The following TSLP variants were observed in gnomAD, a reference collection of about 807,000 sequenced individuals.
The protein encoded by TSLP is thymic stromal lymphopoietin.
In TSLP, 12 loss-of-function variants were observed where a neutral mutation model predicts 12.4. The ratio of observed to expected loss-of-function variants is 0.97; its 90% CI spans 0.62 to 1.57. The LOEUF is 1.57. Among genes scored for constraint, TSLP ranks in the 40% most tolerant of loss-of-function variants. The pLI is 0.00. For missense variants in TSLP, 222 were observed against 189.6 expected, an observed-to-expected ratio of 1.17 and a Z score of -1.00; for synonymous variants, 97 against 69.5, an observed-to-expected ratio of 1.40 and a Z score of -1.97.
rs1040386298 is a variant in TSLP, at chr5:111,076,931, T to G, written c.*857T>G. The G allele has an allele frequency of 6.6e-6, 1 of 152,230 alleles. No individual in the cohort carries two copies. The highest frequency in any genetic ancestry group is 2.4e-5 in the African/African-American group (1 of 41,462). The allele number at this position is 152,230 out of a possible 1,614,324, so 9.4% of individuals were successfully genotyped here. On this transcript the variant is annotated 3_prime_UTR_variant, in exon 4 of 4. Transcript: ENST00000344895. The stretch of plus-strand genomic sequence containing the variant: ...TGCTCCCCTTTATACCTGTTGGCCC[T>G]GCCTATAGGAGAGAATATTTGGAGA...
Position 111,076,197 on chromosome 5 carries a change from G to C in TSLP, c.*123G>C, listed in dbSNP as rs1459890346. 1.4e-5 allele frequency: 17 copies of C among 1,177,372 alleles called. No homozygotes were observed. The highest frequency in any genetic ancestry group is 2.1e-5 in the Non-Finnish European group (17 of 822,732). 72.9% of individuals were successfully genotyped at this position (1,177,372 alleles called of 1,614,324 possible). ...ATAGTTATCTTTTAATTACAGAAGA[G>C]TTTCTTAACTTACTTTTGTAAGTTT... On this transcript the variant is annotated 3_prime_UTR_variant, in exon 4 of 4. Coordinates refer to ENST00000344895, the MANE Select transcript of TSLP (RefSeq NM_033035.5).
At position 111,075,225 on chromosome 5, in the gene TSLP, T is replaced by C. The variant is rs147283744; in HGVS notation, c.352-721T>C. On this transcript the variant is annotated intron_variant, in intron 3 of 3. Transcript: ENST00000344895. ...TAATAATAATGATTTTGCAGGTTTT[T>C]TTAAGATTTGTGCTTAATAACCCTG... Among the ~76,000 whole-genome samples the C allele has an allele frequency of 3.9e-5, 6 of 152,310 alleles. No individual in the cohort carries two copies. In the East Asian group the frequency reaches 1.2e-3, roughly 29 times the overall value.
Position 111,072,940 on chromosome 5 carries a change from G to A in TSLP, c.216+8G>A. The A allele has an allele frequency of 6.2e-7, 1 of 1,614,214 alleles. No homozygotes were observed. The highest frequency in any genetic ancestry group is 8.5e-7 in the Non-Finnish European group (1 of 1,180,028). On this transcript the variant is annotated splice_region_variant and intron_variant, in intron 2 of 3. Transcript: ENST00000344895. ...GTCTCTTGTAGCAATCGGGTGAGTA[G>A]AGAGTTCAGTGCTGCTGGCTTTCTC...
chr5:111,072,607 G>A (rs1012124535), intron 1 of TSLP, among the ~76,000 whole-genome samples: 10 of 152,112 alleles, frequency 6.6e-5, no homozygotes, highest in African/African-American at 2.4e-4. Context: ...CCAAAGGATG[G>A]CATTATTACT....
rs1752342363 is a variant in TSLP at position 111,071,762 on chromosome 5, C to T, written c.-129C>T. The T allele has an allele frequency of 2.3e-6, 3 of 1,296,122 alleles. No individual in the cohort carries two copies. Among genetic ancestry groups the T allele is most frequent in the African/African-American group, 1.5e-5 (1 of 67,390 alleles). The allele number at this position is 1,296,122 out of a possible 1,614,324, so 80.3% of individuals were successfully genotyped here. On this transcript the variant is annotated 5_prime_UTR_variant, in exon 1 of 4. Transcript: ENST00000344895. ...AACAGCATGGGTGAATAAGGGCTTC[C>T]TGTGGACTGGCAATGAGAGGCAAAA...
intron 2 of TSLP, chr5:111,073,256 G>A: frequency 2.1e-6 from 3 of 1,402,774 alleles, no homozygotes; most frequent in Non-Finnish European, 2.8e-6. Context: ...TCCGCCCCCT[G>A]GAGACTTGGG....
In TSLP at chr5:111,076,008, G is replaced by C. The variant is rs1203338358; in HGVS notation, c.414G>C (p.Leu138=). 3 of 1,613,944 alleles carry C rather than the reference G, an allele frequency of 1.9e-6. No individual in the cohort carries two copies. The highest frequency in any genetic ancestry group is 2.5e-6 in the Non-Finnish European group (3 of 1,179,974). ...GGAAAGTCACAACCAATAAATGTCT[G>C]GAACAAGTGTCACAATTACAAGGAT... ...RKRKVTTNKC[L]EQVSQLQGLW... Residue 138 remains leucine (L), a synonymous_variant, in exon 4 of 4, where the codon CTG becomes CTC. Transcript: ENST00000344895.
At chr5:111,070,785 C>G (rs1231233221), upstream of TSLP, 2 of 152,282 alleles carry the variant, frequency 1.3e-5, no homozygotes, top group African/African-American at 4.8e-5. Flanking sequence ...TTCCAGTCTA[C>G]GCTGCGCGGG....
At chr5:111,073,928 T>C (rs913865221) in intron 3 of TSLP, among the ~76,000 whole-genome samples, 2 of 152,192 alleles carry the variant, frequency 1.3e-5, no homozygotes, top group African/African-American at 2.4e-5. Flanking sequence ...CAGAATGTTT[T>C]GATTGCTGGA....
At chr5:111,073,038 G>A in intron 2 of TSLP, 106 bp downstream of exon 2, 1 of 1,375,898 alleles carries the variant, frequency 7.3e-7, no homozygotes, top group Non-Finnish European at 1.0e-6. Context: ...CCTGGGCTCC[G>A]GGACGCCGCC....
chr5:111,076,263 C>A lies in TSLP; in HGVS notation c.*189C>A, dbSNP rs1385663327. The A allele has an allele frequency of 4.8e-6, 3 of 626,470 alleles. No individual in the cohort carries two copies. The highest frequency in any genetic ancestry group is 3.8e-5 in the African/African-American group (2 of 53,278). 38.8% of individuals were successfully genotyped at this position (626,470 alleles called of 1,614,324 possible). A position where few individuals can be genotyped will look rare whatever the true frequency, so the allele number is the denominator to read the frequency against. On this transcript the variant is annotated 3_prime_UTR_variant, in exon 4 of 4. Coordinates refer to ENST00000344895, the MANE Select transcript of TSLP (RefSeq NM_033035.5). ...ATAATGCAGGGGAAGTACTACTCCT[C>A]AAATGTTGAGGGAAGCTTCCATAAC... is the stretch of plus-strand genomic sequence containing the variant.
At chr5:111,072,198 A>G in intron 1 of TSLP, 137 bp downstream of exon 1, 1 of 740,084 alleles carries the variant, frequency 1.4e-6, no homozygotes, top group South Asian at 2.1e-5. Flanking sequence ...AAGGATTCTT[A>G]CAAGTGATAT....
At position 111,073,536 on chromosome 5, in the gene TSLP, G is replaced by A. The variant is rs776535406; in HGVS notation, c.242G>A (p.Ser81Asn). Reference protein sequence around the residue: ...NRPHCLTEIQSLTFNPTAGCA... With the variant: ...NRPHCLTEIQNLTFNPTAGCA... ...CCACATTGCCTTACTGAAATCCAGA[G>A]CCTAACCTTCAATCCCACCGCCGGC... The change falls in exon 3 of 4, where the codon AGC becomes AAC. Residue 81 changes from serine (S) to asparagine (N), a missense_variant. Transcript: ENST00000344895. 3.1e-6 allele frequency: 5 copies of A among 1,614,108 alleles called. No homozygotes were observed. Among genetic ancestry groups the A allele is most frequent in the Non-Finnish European group, 4.2e-6 (5 of 1,180,032 alleles).
chr5:111,070,088 CT>C (rs147057210), upstream of TSLP: 3 of 151,944 alleles, frequency 2.0e-5, no homozygotes, highest in African/African-American at 4.8e-5. Flanking sequence ...GAAGAGTGGA[CT>C]TTTTTTTCAA....
intron 1 of TSLP, among the ~76,000 whole-genome samples, chr5:111,072,629 T>C (rs1752371897): frequency 6.6e-6 from 1 of 152,186 alleles, no homozygotes; most frequent in Non-Finnish European, 1.5e-5. Flanking sequence ...ACAAGCATAG[T>C]GCTATGTGCA....
Position 111,073,074 on chromosome 5 carries a change from T to G in TSLP, c.216+142T>G, listed in dbSNP as rs903967069. 4.8e-6 allele frequency: 5 copies of G among 1,041,248 alleles called. No individual in the cohort carries two copies. In the South Asian group the frequency reaches 7.3e-5, roughly 15 times the overall value. 64.5% of individuals were successfully genotyped at this position (1,041,248 alleles called of 1,614,324 possible). ...GCCGGGGGAAAGGGGACATCTGGGC[T>G]GTCAGAGCGGGGCTGCGCCTAGCTT... On this transcript the variant is annotated intron_variant, in intron 2 of 3. Transcript: ENST00000344895.
intron 2 of TSLP, 127 bp downstream of exon 2, chr5:111,073,059 A>T (rs969970582): frequency 2.6e-6 from 3 of 1,153,536 alleles, no homozygotes; most frequent in Non-Finnish European, 3.8e-6. Flanking sequence ...GCCGGGGGAA[A>T]GGGGACATCT....
chr5:111,075,491 A>G (rs530288919), intron 3 of TSLP, among the ~76,000 whole-genome samples: 195 of 152,350 alleles, frequency 1.3e-3, no homozygotes, highest in Non-Finnish European at 1.8e-3. Context: ...GCTCTTGCCC[A>G]TGAGGAACTT....
intron 3 of TSLP, among the ~76,000 whole-genome samples, chr5:111,074,252 G>A (rs1162067975): frequency 6.6e-6 from 1 of 152,138 alleles, no homozygotes; most frequent in Admixed American, 6.5e-5. Context: ...ATAGTGTAGT[G>A]GAAAGTTAGG....
Sources: gnomAD v4.1 joint callset for allele counts (sites outside exome capture counted in the v4.1 genomes callset) on GRCh38, gnomAD v4.1.1 for gene constraint, MANE v1.5 for transcripts, NCBI Gene and HGNC (gene_info 2026-07-23, HGNC 2026-07-21) for gene names.